The following TEX11 variants were observed in gnomAD, a reference collection of about 807,000 sequenced individuals.
TEX11 encodes testis expressed 11, also known as testis-expressed protein 11.
In TEX11, 7 loss-of-function variants were observed where a neutral mutation model predicts 84.4. The ratio of observed to expected loss-of-function variants is 0.08; its 90% CI spans 0.05 to 0.16. TEX11 has a LOEUF of 0.16. Among genes scored for constraint, TEX11 ranks in the 10% least tolerant of loss-of-function variants. The pLI is 1.00. For missense variants in TEX11, 551 were observed against 660.5 expected (o/e 0.83, Z 1.82); for synonymous variants, 264 against 222.8 (o/e 1.18, Z -1.64).
At position 70,539,610 on chromosome X, in the gene TEX11, A is replaced by G. The variant is rs921231999; in HGVS notation, c.2521-9611T>C. The stretch of plus-strand genomic sequence containing the variant: ...CTCTTTAAGTGTAGGTTTCCCCCCC[A>G]CCATTATTTAAGTCTTTGTATATTC... On this transcript the variant is annotated intron_variant, in intron 28 of 29. Transcript: ENST00000374333. Among the ~76,000 whole-genome samples the G allele has an allele frequency of 4.5e-5, 5 of 111,244 alleles. No homozygotes were observed. In the Admixed American group the frequency reaches 4.8e-4, roughly 11 times the overall value.
At position 70,788,685 on chromosome X, in the gene TEX11, AACACACACACACAC is replaced by A. The variant is rs753573687; in HGVS notation, c.692+18006_692+18019del. Among the ~76,000 whole-genome samples the A allele has an allele frequency of 3.6e-4, 25 of 69,454 alleles. No homozygotes were observed. The East Asian group carries it at 3.8e-3, about 11-fold the overall frequency. 60.3% of individuals were successfully genotyped at this position (69,454 alleles called of 115,157 possible). On this transcript the variant is annotated intron_variant, in intron 9 of 29. Coordinates refer to ENST00000374333, the MANE Select transcript of TEX11 (RefSeq NM_031276.3). ...ATCAGAAAATGTAAATCTCTTGGGA[AACACACACACACAC>A]ACACACACACACACACACACACACA...
At chrX:70,833,046 G>A (rs1164340475) in intron 8 of TEX11, among the ~76,000 whole-genome samples, 1 of 110,700 alleles carries the variant, frequency 9.0e-6, no homozygotes, top group Non-Finnish European at 1.9e-5. Flanking sequence ...GAGGTGGGTG[G>A]ATCACTTGAG....
In TEX11 at chrX:70,751,221, A is replaced by T. The variant is rs769403545; in HGVS notation, c.693-7002T>A. Among the ~76,000 whole-genome samples the T allele has an allele frequency of 2.8e-5, 3 of 106,429 alleles. No homozygotes were observed. The South Asian group carries it at 1.3e-3, about 47-fold the overall frequency. 92.4% of individuals were successfully genotyped at this position (106,429 alleles called of 115,157 possible). On this transcript the variant is annotated intron_variant, in intron 9 of 29. Coordinates refer to ENST00000374333, the MANE Select transcript of TEX11 (RefSeq NM_031276.3). ...CGGCACTATTCACAATAGCAAAGAT[A>T]TGGAACCAACCCAAATGTCCAACAA...
At chrX:70,842,972 A>T (rs1365794658) in intron 7 of TEX11, among the ~76,000 whole-genome samples, 1 of 111,859 alleles carries the variant, frequency 8.9e-6, no homozygotes, top group East Asian at 2.8e-4. Flanking sequence ...GCTCAGTGAA[A>T]TAAAAGAGGA....
At position 70,908,639 on chromosome X, in the gene TEX11, C is replaced by G. The variant is rs2091847577; in HGVS notation, c.-22+15G>C. On this transcript the variant is annotated intron_variant, in intron 1 of 29. Transcript: ENST00000374333. ...GAAGCCTATTCTACCCCTTCCTGCC[C>G]ACTAAACCACTCACCTCAGCCGCAG... 1 of 111,954 alleles carries G rather than the reference C, an allele frequency of 8.9e-6. No individual in the cohort carries two copies. The highest frequency in any genetic ancestry group is 3.3e-5 in the African/African-American group (1 of 30,747). 9.2% of individuals were successfully genotyped at this position (111,954 alleles called of 1,213,427 possible).
At chrX:70,812,453 C>T (rs1490260260) in intron 8 of TEX11, among the ~76,000 whole-genome samples, 2 of 110,786 alleles carry the variant, frequency 1.8e-5, no homozygotes, top group Non-Finnish European at 3.8e-5. Context: ...GTGATCTGCC[C>T]GTCTCGGCCT....
In TEX11 at chrX:70,608,598, G is replaced by A. The variant is rs1040619814; in HGVS notation, c.1879+493C>T. 8.2e-5 allele frequency among the ~76,000 whole-genome samples: 9 copies of A among 109,824 alleles called. No individual in the cohort carries two copies. The East Asian group carries it at 1.2e-3, about 14-fold the overall frequency. On this transcript the variant is annotated intron_variant, in intron 22 of 29. Transcript: ENST00000374333. ...CTACTAAAAATACAAAAAATTAGCC[G>A]GGCGTGGTGGCGGGTGCCTGTAGTC...
At chrX:70,515,217 C>T in the TEX11 span, among the ~76,000 whole-genome samples, 2 of 111,711 alleles carry the variant, frequency 1.8e-5, no homozygotes, top group Non-Finnish European at 3.8e-5. Context: ...GCGCTGCACC[C>T]ATTAACTCGT....
intron 11 of TEX11, among the ~76,000 whole-genome samples, chrX:70,736,752 C>T (rs57689263): frequency 0.07 from 7,744 of 111,199 alleles, 568 homozygotes; most frequent in African/African-American, 0.21. Flanking sequence ...CAGGGCCATG[C>T]TCTCAATCCA....
intron 9 of TEX11, among the ~76,000 whole-genome samples, chrX:70,763,815 A>C (rs892454000): frequency 9.0e-6 from 1 of 111,434 alleles, no homozygotes; most frequent in Non-Finnish European, 1.9e-5. Context: ...TGCACCCAAC[A>C]CTGGAGCACC....
chrX:70,679,449 GT>G (rs1364110311), intron 14 of TEX11, among the ~76,000 whole-genome samples: 1 of 104,444 alleles, frequency 9.6e-6, no homozygotes. Flanking sequence ...AGTCTGGAAA[GT>G]GAGGAGCGTC....
chrX:70,636,758 T>C (rs1279694697), intron 17 of TEX11, among the ~76,000 whole-genome samples: 1 of 111,641 alleles, frequency 9.0e-6, no homozygotes, highest in East Asian at 2.8e-4. Context: ...GGATATAGGC[T>C]CCAGATCCAA....
chrX:70,814,315 G>A (rs1411884821), intron 8 of TEX11, among the ~76,000 whole-genome samples: 6 of 111,564 alleles, frequency 5.4e-5, no homozygotes, highest in East Asian at 2.8e-4. Context: ...ACAACCATCC[G>A]ATCTTTGACA....
chrX:70,640,106 G>A, intron 17 of TEX11, among the ~76,000 whole-genome samples: 1 of 109,083 alleles, frequency 9.2e-6, no homozygotes, highest in Non-Finnish European at 1.9e-5. Flanking sequence ...CAAGGCTCGA[G>A]AACTACCTGA....
intron 2 of TEX11, among the ~76,000 whole-genome samples, chrX:70,904,225 A>G (rs2091818071): frequency 9.0e-6 from 1 of 111,168 alleles, no homozygotes; most frequent in Non-Finnish European, 1.9e-5. Context: ...GCCATTGGAT[A>G]GGCTTTTATG....
At chrX:70,837,420 G>A (rs1259195779) in intron 7 of TEX11, among the ~76,000 whole-genome samples, 2 of 110,641 alleles carry the variant, frequency 1.8e-5, no homozygotes, top group Non-Finnish European at 3.8e-5. Context: ...AAATTAGCCA[G>A]GCAAGGTGGC....
intron 16 of TEX11, among the ~76,000 whole-genome samples, chrX:70,664,505 TC>T (rs2089959735): frequency 8.9e-6 from 1 of 111,886 alleles, no homozygotes; most frequent in Non-Finnish European, 1.9e-5. Context: ...ACAAACGTCC[TC>T]ATCTATATAT....
At chrX:70,554,329 G>A (rs1263354933) in intron 26 of TEX11, among the ~76,000 whole-genome samples, 9 of 112,009 alleles carry the variant, frequency 8.0e-5, no homozygotes, top group African/African-American at 2.9e-4. Flanking sequence ...CCCCTGTTGT[G>A]TAGTTACATA....
intron 4 of TEX11, among the ~76,000 whole-genome samples, chrX:70,872,666 G>T (rs927195562): frequency 8.9e-6 from 1 of 112,194 alleles, no homozygotes; most frequent in East Asian, 2.8e-4. Flanking sequence ...AAGAAGATGA[G>T]TTTAGTTTGA....
Sources: gnomAD v4.1 joint callset for allele counts (sites outside exome capture counted in the v4.1 genomes callset) on GRCh38, gnomAD v4.1.1 for gene constraint, MANE v1.5 for transcripts, NCBI Gene and HGNC (gene_info 2026-07-23, HGNC 2026-07-21) for gene names.